The following DCDC2C variants were observed in gnomAD, a reference collection of about 807,000 sequenced individuals.
DCDC2C encodes the protein doublecortin domain-containing protein 2C.
DCDC2C carries 44 observed loss-of-function variants against 45.0 expected under a neutral mutation model. The observed-to-expected ratio is 0.98, with a 90% CI of 0.77 to 1.26. DCDC2C has a LOEUF of 1.26. DCDC2C is among the 50% of genes most tolerant of loss of function. DCDC2C has a pLI of 0.00. For missense variants in DCDC2C, 447 were observed against 468.9 expected, an observed-to-expected ratio of 0.95 and a Z score of 0.43; for synonymous variants, 187 against 178.8, an observed-to-expected ratio of 1.05 and a Z score of -0.37.
chr2:3,839,991 G>A (rs1362090668), intron 10 of DCDC2C, among the ~76,000 whole-genome samples: 3 of 152,154 alleles, frequency 2.0e-5, no homozygotes, highest in African/African-American at 4.8e-5. Context: ...CGTGGACTTC[G>A]CAATACCTGA....
rs1261470574 is a variant in DCDC2C at position 3,774,950 on chromosome 2, A to G, written c.955-3866A>G. ...CTGACTAATTGTTTGTATTTAGTAG[A>G]GACGGTGTTTCACCATGTTAGTCAG... On this transcript the variant is annotated intron_variant, in intron 8 of 10. Transcript: ENST00000399143. 2.0e-5 allele frequency among the ~76,000 whole-genome samples: 3 copies of G among 152,050 alleles called. No individual in the cohort carries two copies. The South Asian group carries it at 6.2e-4, about 32-fold the overall frequency.
intron 10 of DCDC2C, among the ~76,000 whole-genome samples, chr2:3,801,307 A>T (rs533058262): frequency 1.4e-5 from 2 of 143,702 alleles, no homozygotes; most frequent in Non-Finnish European, 3.1e-5. Flanking sequence ...TATGTACGTA[A>T]CCTGTCCCAG....
intron 10 of DCDC2C, among the ~76,000 whole-genome samples, chr2:3,792,408 C>T (rs1414369460): frequency 1.3e-5 from 2 of 152,132 alleles, no homozygotes; most frequent in Non-Finnish European, 2.9e-5. Flanking sequence ...AAAATATGAC[C>T]ACATAATGCA....
chr2:3,825,321 A>C (rs764840226), intron 10 of DCDC2C, among the ~76,000 whole-genome samples: 14 of 152,178 alleles, frequency 9.2e-5, no homozygotes, highest in Non-Finnish European at 1.8e-4. Flanking sequence ...TCTTTCTCTT[A>C]GGCCCTGCCC....
At chr2:3,756,250 A>G (rs991677634) in intron 6 of DCDC2C, among the ~76,000 whole-genome samples, 3 of 152,156 alleles carry the variant, frequency 2.0e-5, no homozygotes, top group African/African-American at 7.2e-5. Context: ...ATCCCTGATC[A>G]TCCTACAAAT....
At chr2:3,839,756 G>T (rs1672163257) in intron 10 of DCDC2C, among the ~76,000 whole-genome samples, 1 of 152,190 alleles carries the variant, frequency 6.6e-6, no homozygotes, top group African/African-American at 2.4e-5. Flanking sequence ...TCCCGCATCT[G>T]CTCCCACACG....
chr2:3,763,077 G>C (rs1473652454), intron 6 of DCDC2C, among the ~76,000 whole-genome samples: 1 of 152,116 alleles, frequency 6.6e-6, no homozygotes, highest in African/African-American at 2.4e-5. Context: ...TCTCCTGAGA[G>C]AGCCCCTCCA....
At chr2:3,833,448 G>A (rs1011148) in intron 10 of DCDC2C, among the ~76,000 whole-genome samples, 49,761 of 152,010 alleles carry the variant, frequency 0.33, 8,272 homozygotes, top group South Asian at 0.41. Flanking sequence ...TTTCATTTGC[G>A]TCTGACACAT....
At chr2:3,813,357 AG>A (rs1485996207) in intron 10 of DCDC2C, among the ~76,000 whole-genome samples, 1 of 152,074 alleles carries the variant, frequency 6.6e-6, no homozygotes, top group Admixed American at 6.6e-5. Context: ...GTCAGCCACC[AG>A]GCCTGGCCAA....
intron 10 of DCDC2C, among the ~76,000 whole-genome samples, chr2:3,800,278 T>G (rs1460011294): frequency 6.6e-6 from 1 of 152,158 alleles, no homozygotes; most frequent in African/African-American, 2.4e-5. Context: ...TGGCACTCCC[T>G]AGTGAGATGA....
At position 3,818,292 on chromosome 2, in the gene DCDC2C, C is replaced by G. The variant is rs1473278907; in HGVS notation, c.1066-28862C>G. Among the ~76,000 whole-genome samples, 1 of 152,082 alleles carries G rather than the reference C, an allele frequency of 6.6e-6. No homozygotes were observed. The highest frequency in any genetic ancestry group is 2.4e-5 in the African/African-American group (1 of 41,398). ...AGTACAGCCCAGGTAATTTGCTGAG[C>G]CTGATGGGTGTCAGGGTCTGTCCAA... On this transcript the variant is annotated intron_variant, in intron 10 of 10. Coordinates refer to ENST00000399143, the MANE Select transcript of DCDC2C (RefSeq NM_001287444.2). The surrounding 1 kb of genome is among the most constrained non-coding windows in gnomAD (Gnocchi z 4.7).
At chr2:3,804,768 G>A (rs181144296) in intron 10 of DCDC2C, among the ~76,000 whole-genome samples, 6 of 152,268 alleles carry the variant, frequency 3.9e-5, no homozygotes, top group Admixed American at 1.3e-4. Flanking sequence ...TGCTGCACTC[G>A]TAACAAAGGA....
At chr2:3,739,633 A>G (rs942465456) in intron 3 of DCDC2C, among the ~76,000 whole-genome samples, 2 of 152,254 alleles carry the variant, frequency 1.3e-5, no homozygotes, top group African/African-American at 4.8e-5. Flanking sequence ...ACTCCAGGGA[A>G]AAACCGTCTC....
chr2:3,734,159 G>A lies in DCDC2C; in HGVS notation c.416+7080G>A, dbSNP rs1668955624. On this transcript the variant is annotated intron_variant, in intron 3 of 10. Transcript: ENST00000399143. This position sits in a 1 kb window ranked among gnomAD's most constrained non-coding sequence, Gnocchi z 4.2. ...CATCACGTACTGCCCCAAAGGCATG[G>A]CGGCTGTCAGCGTGGATGTTTCACC... Among the ~76,000 whole-genome samples, 2 of 152,208 alleles carry A rather than the reference G, an allele frequency of 1.3e-5. No individual in the cohort carries two copies. Among genetic ancestry groups the A allele is most frequent in the Non-Finnish European group, 2.9e-5 (2 of 68,034 alleles).
At chr2:3,740,061 C>T (rs1311598727) in intron 3 of DCDC2C, among the ~76,000 whole-genome samples, 1 of 152,192 alleles carries the variant, frequency 6.6e-6, no homozygotes. Flanking sequence ...CCCTAAGGCA[C>T]CTTCACTCCT....
At chr2:3,706,857 T>TA (rs1417386071) in intron 1 of DCDC2C, among the ~76,000 whole-genome samples, 1 of 152,242 alleles carries the variant, frequency 6.6e-6, no homozygotes, top group Non-Finnish European at 1.5e-5. Flanking sequence ...TGGCTTTGTC[T>TA]ACCTGAGTAA....
intron 1 of DCDC2C, among the ~76,000 whole-genome samples, chr2:3,707,638 G>A (rs1016866521): frequency 6.6e-6 from 1 of 152,218 alleles, no homozygotes; most frequent in Non-Finnish European, 1.5e-5. Context: ...CTTGGTTGTA[G>A]CTGCGTGCAT....
chr2:3,731,912 T>C (rs2148085351), intron 3 of DCDC2C, among the ~76,000 whole-genome samples: 1 of 152,274 alleles, frequency 6.6e-6, no homozygotes, highest in East Asian at 1.9e-4. Flanking sequence ...TATGGGATGT[T>C]TCCTGTCAGG....
intron 10 of DCDC2C, among the ~76,000 whole-genome samples, chr2:3,837,942 AG>A (rs1672121287): frequency 1.3e-5 from 2 of 152,198 alleles, no homozygotes; most frequent in East Asian, 3.9e-4. Flanking sequence ...GTCTTTTCTG[AG>A]TGCTCTTATT....
Sources: gnomAD v4.1 joint callset for allele counts (sites outside exome capture counted in the v4.1 genomes callset) on GRCh38, gnomAD v4.1.1 for gene constraint, Gnocchi (gnomAD v3.1) non-coding constraint, MANE v1.5 for transcripts, NCBI Gene and HGNC (gene_info 2026-07-23, HGNC 2026-07-21) for gene names.